The following UBE2G1 variants were observed in gnomAD, a reference collection of about 807,000 sequenced individuals.
The protein encoded by UBE2G1 is ubiquitin-conjugating enzyme E2 G1.
A neutral mutation model predicts 22.7 loss-of-function variants in UBE2G1; 5 were observed. The ratio of observed to expected loss-of-function variants is 0.22; its 90% CI spans 0.12 to 0.46. The LOEUF is 0.46. UBE2G1 is among the 20% of genes least tolerant of loss of function. The probability of loss-of-function intolerance (pLI) is 0.99; values close to 1 mark genes in which losing one functional copy is unlikely to be tolerated. For synonymous variants in UBE2G1, 74 were observed against 67.5 expected (o/e 1.10, Z -0.47); for missense variants, 88 against 203.9 (o/e 0.43, Z 3.46).
At chr17:4,294,418 A>T (rs1326174571) in intron 3 of UBE2G1, among the ~76,000 whole-genome samples, 1 of 11,268 alleles carries the variant, frequency 8.9e-5, no homozygotes, top group Non-Finnish European at 8.5e-4. Flanking sequence ...TCCGTCTCAA[A>T]AAAAAAAAAA....
At chr17:4,333,400 G>T (rs147706320) in intron 1 of UBE2G1, among the ~76,000 whole-genome samples, 1 of 152,138 alleles carries the variant, frequency 6.6e-6, no homozygotes, top group African/African-American at 2.4e-5. Context: ...AAGACGGGCC[G>T]GGCACGGTGG....
In UBE2G1 at chr17:4,284,980, G is replaced by A. The variant is rs1354218385; in HGVS notation, c.427-2059C>T. On this transcript the variant is annotated intron_variant, in intron 4 of 5. Coordinates refer to ENST00000396981, the MANE Select transcript of UBE2G1 (RefSeq NM_003342.5). ...CCCACCTCAGCCTCCGAAGCGTCTA[G>A]GACAACATGTGCACATCACCACACC... is the stretch of plus-strand genomic sequence containing the variant. Among the ~76,000 whole-genome samples, 4 of 151,426 alleles carry A rather than the reference G, an allele frequency of 2.6e-5. No homozygotes were observed. The East Asian group carries it at 7.7e-4, about 29-fold the overall frequency.
At chr17:4,357,030 C>CA (rs1473947750) in intron 1 of UBE2G1, among the ~76,000 whole-genome samples, 2 of 152,162 alleles carry the variant, frequency 1.3e-5, no homozygotes, top group Non-Finnish European at 2.9e-5. Context: ...AAGAAATCGA[C>CA]AGTGGTGCAA....
In UBE2G1 at chr17:4,271,815, T is replaced by G. The variant is rs1968763360; in HGVS notation, c.*739A>C. 6.6e-6 allele frequency: 1 copy of G among 151,942 alleles called. No homozygotes were observed. The highest frequency in any genetic ancestry group is 1.5e-5 in the Non-Finnish European group (1 of 67,954). The allele number at this position is 151,942 out of a possible 1,614,324, so 9.4% of individuals were successfully genotyped here. A position where few individuals can be genotyped will look rare whatever the true frequency, so the allele number is the denominator to read the frequency against. ...GGGATCAAGAGCTCACAACGGCCAA[T>G]AAATGTTATTGCTATATCCAATCCA... On this transcript the variant is annotated 3_prime_UTR_variant, in exon 6 of 6. Coordinates refer to ENST00000396981, the MANE Select transcript of UBE2G1 (RefSeq NM_003342.5).
chr17:4,285,717 C>T lies in UBE2G1; in HGVS notation c.427-2796G>A, dbSNP rs532170169. ...CTGTAATCCCAGCACTTTGGGAGGC[C>T]GAGGCAGGCGGATCACGACATCAAG... is the stretch of plus-strand genomic sequence containing the variant. On this transcript the variant is annotated intron_variant, in intron 4 of 5. Coordinates refer to ENST00000396981, the MANE Select transcript of UBE2G1 (RefSeq NM_003342.5). 3.9e-5 allele frequency among the ~76,000 whole-genome samples: 6 copies of T among 152,062 alleles called. No homozygotes were observed. In the South Asian group the frequency reaches 8.3e-4, roughly 21 times the overall value.
chr17:4,286,214 G>A (rs1007702607), intron 4 of UBE2G1, among the ~76,000 whole-genome samples: 3 of 152,124 alleles, frequency 2.0e-5, no homozygotes, highest in African/African-American at 7.2e-5. Flanking sequence ...AGACCAGCCT[G>A]GCCAACATGG....
intron 4 of UBE2G1, among the ~76,000 whole-genome samples, chr17:4,284,526 G>A (rs1223006371): frequency 2.6e-5 from 4 of 151,628 alleles, no homozygotes; most frequent in African/African-American, 9.7e-5. Context: ...ACTTGAACTC[G>A]GGAGGCAAAG....
intron 1 of UBE2G1, among the ~76,000 whole-genome samples, chr17:4,311,038 C>G (rs990629282): frequency 1.3e-5 from 2 of 151,786 alleles, no homozygotes; most frequent in Admixed American, 1.3e-4. Flanking sequence ...TGGCAAACCC[C>G]TGTCTCTACC....
chr17:4,358,274 T>C (rs1044029640), intron 1 of UBE2G1, among the ~76,000 whole-genome samples: 1 of 152,152 alleles, frequency 6.6e-6, no homozygotes, highest in African/African-American at 2.4e-5. Context: ...CTTTTGCCCT[T>C]ATTTTTTAGG....
At chr17:4,316,003 G>T (rs1969366468) in intron 1 of UBE2G1, among the ~76,000 whole-genome samples, 1 of 151,626 alleles carries the variant, frequency 6.6e-6, no homozygotes, top group African/African-American at 2.4e-5. Context: ...TTTTAGTAGA[G>T]ACGGGGTTTC....
At chr17:4,356,397 TTACATAGTGC>T (rs1969906924) in intron 1 of UBE2G1, among the ~76,000 whole-genome samples, 3 of 152,106 alleles carry the variant, frequency 2.0e-5, no homozygotes, top group Non-Finnish European at 4.4e-5. Context: ...AAAACGTTGT[TTACATAGTGC>T]TACTAAATGT....
At chr17:4,340,911 AAC>A (rs1202699926) in intron 1 of UBE2G1, among the ~76,000 whole-genome samples, 3,355 of 149,050 alleles carry the variant, frequency 0.023, 142 homozygotes, top group African/African-American at 0.067. Context: ...AAAAAAAAAA[AAC>A]AAAACCTTCA....
intron 4 of UBE2G1, among the ~76,000 whole-genome samples, chr17:4,286,954 A>C (rs1289147990): frequency 1.3e-5 from 2 of 152,138 alleles, no homozygotes; most frequent in Non-Finnish European, 2.9e-5. Context: ...CTAAGGCAGG[A>C]GAATCGATTG....
intron 1 of UBE2G1, among the ~76,000 whole-genome samples, chr17:4,350,674 T>C (rs1370093435): frequency 1.3e-5 from 2 of 152,164 alleles, no homozygotes; most frequent in African/African-American, 4.8e-5. Context: ...TGCAGCTATA[T>C]CATTTTCCTG....
intron 1 of UBE2G1, among the ~76,000 whole-genome samples, chr17:4,351,573 C>T (rs1969844850): frequency 6.6e-6 from 1 of 152,156 alleles, no homozygotes; most frequent in African/African-American, 2.4e-5. Context: ...GGGGAACTAT[C>T]ATACCATAAA....
intron 3 of UBE2G1, among the ~76,000 whole-genome samples, chr17:4,294,369 T>C (rs1242379508): frequency 6.8e-6 from 1 of 146,852 alleles, no homozygotes; most frequent in East Asian, 1.9e-4. Context: ...TGAGCCAAGA[T>C]AGTCCCACTG....
chr17:4,360,083 G>C (rs1268539112), intron 1 of UBE2G1, among the ~76,000 whole-genome samples: 2 of 152,058 alleles, frequency 1.3e-5, no homozygotes, highest in Non-Finnish European at 2.9e-5. Context: ...TTCTGTACCT[G>C]AAATGCTATT....
At chr17:4,287,314 G>C (rs1389832724) in intron 4 of UBE2G1, among the ~76,000 whole-genome samples, 2 of 151,266 alleles carry the variant, frequency 1.3e-5, no homozygotes, top group African/African-American at 2.4e-5. Flanking sequence ...ACTTTGGCCA[G>C]GCTGGTCTCG....
At chr17:4,332,069 A>C (rs911891941) in intron 1 of UBE2G1, 1 of 152,208 alleles carries the variant, frequency 6.6e-6, no homozygotes, top group South Asian at 2.1e-4. Context: ...ATTGTTCACT[A>C]TTAGGCCTCT....
Sources: allele counts gnomAD v4.1 joint callset (sites outside exome capture counted in the v4.1 genomes callset), GRCh38; gene constraint gnomAD v4.1.1; transcripts MANE v1.5; gene names NCBI Gene and HGNC (gene_info 2026-07-23, HGNC 2026-07-21).